The following EEA1 variants were observed in gnomAD, a reference collection of about 807,000 sequenced individuals.
The protein encoded by EEA1 is early endosome antigen 1.
EEA1 carries 111 observed loss-of-function variants against 209.2 expected under a neutral mutation model. The ratio of observed to expected loss-of-function variants is 0.53; its 90% confidence interval spans 0.45 to 0.62. The LOEUF is 0.62. Among genes scored for constraint, EEA1 ranks in the 20% least tolerant of loss-of-function variants. The pLI is 0.00. For missense variants in EEA1, 1,343 were observed against 1,530.8 expected (o/e 0.88, Z 2.05); for synonymous variants, 536 against 540.6 (o/e 0.99, Z 0.12).
At chr12:92,886,764 C>G (rs1233296940) in intron 2 of EEA1, among the ~76,000 whole-genome samples, 1 of 151,918 alleles carries the variant, frequency 6.6e-6, no homozygotes, top group Admixed American at 6.6e-5. Flanking sequence ...TTTGGGAGGC[C>G]GAAGCGGGCG....
At chr12:92,814,891 G>C (rs1875703751) in intron 15 of EEA1, among the ~76,000 whole-genome samples, 1 of 152,120 alleles carries the variant, frequency 6.6e-6, no homozygotes, top group African/African-American at 2.4e-5. Flanking sequence ...TATAGTTAAA[G>C]GGACACTCCA....
intron 13 of EEA1, 88 bp downstream of exon 13, chr12:92,826,078 G>A (rs1182217456): frequency 7.3e-7 from 1 of 1,361,792 alleles, no homozygotes; most frequent in Non-Finnish European, 9.9e-7. Context: ...ATAATGATTT[G>A]GATTAATTAA....
chr12:92,823,749 T>C (rs1358848782), intron 13 of EEA1, among the ~76,000 whole-genome samples: 3 of 152,154 alleles, frequency 2.0e-5, no homozygotes, highest in Non-Finnish European at 2.9e-5. Context: ...AAGAAACAAA[T>C]AACCATGTTC....
intron 21 of EEA1, among the ~76,000 whole-genome samples, chr12:92,789,857 C>A (rs557187140): frequency 6.6e-6 from 1 of 152,336 alleles, no homozygotes; most frequent in South Asian, 2.1e-4. Context: ...AACTGGGAGA[C>A]ACCTCCCAAT....
chr12:92,865,034 T>C lies in EEA1; in HGVS notation c.118-47A>G, dbSNP rs759145143. 3 of 1,416,726 alleles carry C rather than the reference T, an allele frequency of 2.1e-6. No individual in the cohort carries two copies. The East Asian group carries it at 7.3e-5, about 35-fold the overall frequency. The allele number at this position is 1,416,726 out of a possible 1,614,324, so 87.8% of individuals were successfully genotyped here. A position where few individuals can be genotyped will look rare whatever the true frequency, so the allele number is the denominator to read the frequency against. On this transcript the variant is annotated intron_variant, in intron 2 of 28. Transcript: ENST00000322349. ...AGTTTCAAAATAGTATTTAATATTG[T>C]GAAATAACAATTTGCATATTATTAA...
Position 92,777,588 on chromosome 12 carries a change from T to G in EEA1, c.3969A>C (p.Thr1323=). The G allele has an allele frequency of 6.2e-7, 1 of 1,612,504 alleles. No individual in the cohort carries two copies. Among genetic ancestry groups the G allele is most frequent in the Non-Finnish European group, 8.5e-7 (1 of 1,178,914 alleles). Residue 1323 remains threonine, a synonymous_variant, in exon 27 of 29, where the codon ACA becomes ACC. Coordinates refer to ENST00000322349, the MANE Select transcript of EEA1 (RefSeq NM_003566.4). ...TGCCCAGCTCCTGCACTGCTGCAGT[T>G]GTATTATCCAGCTTTCTTTGCAATT... ...VLELQRKLDN[T]TAAVQELGRE... is the part of the protein sequence containing the mutation.
At position 92,776,044 on chromosome 12, in the gene EEA1, G is replaced by A. The variant is rs1178841670; in HGVS notation, c.4203C>T (p.Val1401=). The change falls in exon 29 of 29, where the codon GTC becomes GTT. Residue 1401 remains valine (V), a synonymous_variant. Coordinates refer to ENST00000322349, the MANE Select transcript of EEA1 (RefSeq NM_003566.4). ...LTPSSKKPVR[V]CDACFNDLQG The stretch of plus-strand genomic sequence containing the variant: ...GCAAGTCATTGAAACATGCATCACA[G>A]ACACGAACAGGCTTCTTGGAGGAAG... 1.2e-6 allele frequency: 2 copies of A among 1,611,334 alleles called. No individual in the cohort carries two copies. Among genetic ancestry groups the A allele is most frequent in the East Asian group, 2.2e-5 (1 of 44,762 alleles).
At chr12:92,878,122 C>T (rs1878992449) in intron 2 of EEA1, among the ~76,000 whole-genome samples, 2 of 152,042 alleles carry the variant, frequency 1.3e-5, no homozygotes, top group Non-Finnish European at 2.9e-5. Flanking sequence ...AAGATAAGAC[C>T]AGGCACAGTG....
intron 16 of EEA1, among the ~76,000 whole-genome samples, 174 bp from the exon 17 acceptor site, chr12:92,811,608 A>G (rs955751884): frequency 6.6e-6 from 1 of 152,208 alleles, no homozygotes; most frequent in Non-Finnish European, 1.5e-5. Flanking sequence ...TATAAACGAC[A>G]TGAACTAAAT....
At chr12:92,784,243 G>T (rs1269237513) in intron 22 of EEA1, among the ~76,000 whole-genome samples, 1 of 152,172 alleles carries the variant, frequency 6.6e-6, no homozygotes, top group Non-Finnish European at 1.5e-5. Flanking sequence ...TAAAATGGAA[G>T]CTACACAGGG....
At chr12:92,861,789 T>C (rs565117296) in intron 3 of EEA1, among the ~76,000 whole-genome samples, 69 of 151,910 alleles carry the variant, frequency 4.5e-4, no homozygotes, top group African/African-American at 1.6e-3. Flanking sequence ...TACATAGATA[T>C]AAGCATATGA....
chr12:92,829,770 C>T (rs1240564894), intron 11 of EEA1, among the ~76,000 whole-genome samples: 2 of 103,148 alleles, frequency 1.9e-5, no homozygotes, highest in African/African-American at 4.0e-5. Flanking sequence ...CAAAGTGAAA[C>T]TCTGTCTTAA....
chr12:92,884,039 C>T (rs922097801), intron 2 of EEA1: 9 of 1,371,058 alleles, frequency 6.6e-6, no homozygotes, highest in Non-Finnish European at 9.2e-6. Context: ...CCAAAGAGAG[C>T]TGTCTCAAGA....
chr12:92,789,280 G>T (rs377727207), intron 21 of EEA1, among the ~76,000 whole-genome samples: 1 of 114,798 alleles, frequency 8.7e-6, no homozygotes, highest in African/African-American at 3.3e-5. Flanking sequence ...ACAGAGAGAC[G>T]CCATCTCAAA....
chr12:92,797,342 C>A (rs1284177459), intron 21 of EEA1, among the ~76,000 whole-genome samples: 1 of 152,166 alleles, frequency 6.6e-6, no homozygotes, highest in Non-Finnish European at 1.5e-5. Flanking sequence ...CCTACCTCAG[C>A]CTCCCAAAGT....
At chr12:92,814,016 A>G (rs1459256923) in intron 15 of EEA1, among the ~76,000 whole-genome samples, 1 of 152,164 alleles carries the variant, frequency 6.6e-6, no homozygotes, top group Non-Finnish European at 1.5e-5. Context: ...TGTCTCAGAA[A>G]AAAAGAAAGA....
chr12:92,795,919 T>C (rs1052657542), intron 21 of EEA1, among the ~76,000 whole-genome samples: 1 of 152,198 alleles, frequency 6.6e-6, no homozygotes, highest in African/African-American at 2.4e-5. Context: ...CTGTGAAGTC[T>C]CAATAATGGC....
At chr12:92,779,565 C>T (rs1217197752) in intron 24 of EEA1, among the ~76,000 whole-genome samples, 2 of 152,036 alleles carry the variant, frequency 1.3e-5, no homozygotes, top group African/African-American at 4.8e-5. Context: ...TCTCTATTTT[C>T]CCTTTCCTCA....
chr12:92,848,300 A>T (rs908477240), intron 9 of EEA1, among the ~76,000 whole-genome samples: 1 of 151,844 alleles, frequency 6.6e-6, no homozygotes, highest in Non-Finnish European at 1.5e-5. Context: ...GGGAGACACT[A>T]AATTCTTTCA....
Sources: gnomAD v4.1 joint callset for allele counts (sites outside exome capture counted in the v4.1 genomes callset) on GRCh38, gnomAD v4.1.1 for gene constraint, MANE v1.5 for transcripts, NCBI Gene and HGNC (gene_info 2026-07-23, HGNC 2026-07-21) for gene names.